MMP16: variants seen among roughly 807,000 people sequenced by gnomAD.
MMP16 encodes the protein matrix metallopeptidase 16.
MMP16 carries 12 observed loss-of-function variants against 67.8 expected under a neutral mutation model. The ratio of observed to expected loss-of-function variants is 0.18; its 90% CI spans 0.11 to 0.29. The LOEUF (loss-of-function observed/expected upper bound fraction) is 0.29. MMP16 is among the 10% of genes least tolerant of loss of function. MMP16 has a pLI of 1.00. For synonymous variants in MMP16, 249 were observed against 255.9 expected, an observed-to-expected ratio of 0.97 and a Z score of 0.26; for missense variants, 475 against 765.7, an observed-to-expected ratio of 0.62 and a Z score of 4.48.
At chr8:88,171,567 T>A (rs1808804030) in intron 3 of MMP16, among the ~76,000 whole-genome samples, 1 of 152,154 alleles carries the variant, frequency 6.6e-6, no homozygotes, top group Non-Finnish European at 1.5e-5. Flanking sequence ...TAATTGTGGA[T>A]TTTGGATAGA....
At chr8:88,217,959 A>G (rs972235415) in intron 1 of MMP16, among the ~76,000 whole-genome samples, 6 of 152,030 alleles carry the variant, frequency 3.9e-5, no homozygotes, top group Non-Finnish European at 8.8e-5. Flanking sequence ...TTGGTTCTTT[A>G]GTATGCATGA....
intron 4 of MMP16, among the ~76,000 whole-genome samples, chr8:88,165,612 T>C (rs77311429): frequency 0.19 from 29,031 of 152,026 alleles, 3,156 homozygotes; most frequent in Middle Eastern, 0.24. Context: ...CCCTGTGTGA[T>C]TTTGAAAAAA....
chr8:88,282,238 C>G (rs1810753896), intron 1 of MMP16, among the ~76,000 whole-genome samples: 1 of 152,046 alleles, frequency 6.6e-6, no homozygotes, highest in Non-Finnish European at 1.5e-5. Flanking sequence ...CCACACCCAG[C>G]TAATTTTTGT....
chr8:88,162,037 TC>T (rs1471210294), intron 4 of MMP16, among the ~76,000 whole-genome samples: 1 of 152,106 alleles, frequency 6.6e-6, no homozygotes, highest in Non-Finnish European at 1.5e-5. Flanking sequence ...TACATCTCCT[TC>T]CTTTATTAAC....
intron 1 of MMP16, among the ~76,000 whole-genome samples, chr8:88,237,076 T>C (rs1434857136): frequency 6.6e-6 from 1 of 152,180 alleles, no homozygotes; most frequent in Non-Finnish European, 1.5e-5. Context: ...AAAGTAATTG[T>C]AAATGACCAT....
At chr8:88,188,400 T>C (rs371959412) in intron 2 of MMP16, among the ~76,000 whole-genome samples, 2 of 152,330 alleles carry the variant, frequency 1.3e-5, no homozygotes, top group Middle Eastern at 3.4e-3. Flanking sequence ...ACGTGGGATA[T>C]GGTTACATTC....
chr8:88,137,355 G>A (rs1808138526), intron 4 of MMP16, among the ~76,000 whole-genome samples: 2 of 151,902 alleles, frequency 1.3e-5, no homozygotes, highest in African/African-American at 4.8e-5. Context: ...TGGAATTTTG[G>A]ATAAGGAATA....
intron 6 of MMP16, among the ~76,000 whole-genome samples, chr8:88,076,970 C>T (rs1291381577): frequency 6.6e-6 from 1 of 152,102 alleles, no homozygotes; most frequent in Admixed American, 6.6e-5. Context: ...CATATGGAGC[C>T]GGGCCAGTGG....
chr8:88,157,904 A>G (rs201783384), intron 4 of MMP16, among the ~76,000 whole-genome samples: 1 of 149,304 alleles, frequency 6.7e-6, no homozygotes, highest in Admixed American at 6.7e-5. Context: ...TCCCACCTAT[A>G]AGTGAGAACA....
intron 1 of MMP16, among the ~76,000 whole-genome samples, chr8:88,226,134 T>C (rs2129860169): frequency 6.6e-6 from 1 of 152,070 alleles, no homozygotes; most frequent in African/African-American, 2.4e-5. Flanking sequence ...CACACAAATA[T>C]ATATATTAGG....
chr8:88,090,116 A>C (rs1808908847), intron 6 of MMP16, among the ~76,000 whole-genome samples: 1 of 151,962 alleles, frequency 6.6e-6, no homozygotes, highest in Non-Finnish European at 1.5e-5. Flanking sequence ...TCTTCTGCTT[A>C]TATATGAAGG....
chr8:88,052,291 G>A (rs192399485), intron 8 of MMP16, among the ~76,000 whole-genome samples: 1 of 152,216 alleles, frequency 6.6e-6, no homozygotes, highest in East Asian at 1.9e-4. Context: ...CAGATAAGGT[G>A]CTATCTGCTT....
chr8:88,235,364 C>G (rs1438105012), intron 1 of MMP16, among the ~76,000 whole-genome samples: 1 of 147,898 alleles, frequency 6.8e-6, no homozygotes, highest in Non-Finnish European at 1.5e-5. Flanking sequence ...TGCACTCTAC[C>G]CGGGCAACAG....
chr8:88,123,512 C>T (rs1434637557), intron 4 of MMP16, among the ~76,000 whole-genome samples: 4 of 151,768 alleles, frequency 2.6e-5, no homozygotes, highest in South Asian at 2.1e-4. Context: ...GTCAGGAAAA[C>T]GTGGTTCCTG....
chr8:88,087,537 G>T (rs570144108), intron 6 of MMP16, among the ~76,000 whole-genome samples: 1 of 151,958 alleles, frequency 6.6e-6, no homozygotes, highest in East Asian at 1.9e-4. Flanking sequence ...TATATTTTCA[G>T]CTTGGTCTTC....
chr8:88,238,861 G>C (rs1042631901), intron 1 of MMP16, among the ~76,000 whole-genome samples: 1 of 151,842 alleles, frequency 6.6e-6, no homozygotes, highest in African/African-American at 2.4e-5. Context: ...GCAGTGGCTT[G>C]CACCTGTAAT....
chr8:88,195,783 A>G (rs755470192), intron 2 of MMP16, among the ~76,000 whole-genome samples: 12 of 152,130 alleles, frequency 7.9e-5, no homozygotes, highest in Non-Finnish European at 1.6e-4. Flanking sequence ...CAAGATGTAG[A>G]TCAAAGTTAA....
chr8:88,135,873 G>A (rs778314340), intron 4 of MMP16, among the ~76,000 whole-genome samples: 8 of 151,896 alleles, frequency 5.3e-5, no homozygotes, highest in Non-Finnish European at 8.8e-5. Flanking sequence ...AGTGAAATTT[G>A]GGTTTGGAAC....
chr8:88,258,074 C>T (rs1352095801), intron 1 of MMP16, among the ~76,000 whole-genome samples: 2 of 149,064 alleles, frequency 1.3e-5, no homozygotes, highest in African/African-American at 5.0e-5. Flanking sequence ...GAGACAGAGT[C>T]TCGCTCTGTC....
Sources: allele counts gnomAD v4.1 joint callset (sites outside exome capture counted in the v4.1 genomes callset), GRCh38; gene constraint gnomAD v4.1.1; transcripts MANE v1.5; gene names NCBI Gene and HGNC (gene_info 2026-07-23, HGNC 2026-07-21).